USP12: variants seen among roughly 807,000 people sequenced by gnomAD.
USP12 encodes ubiquitin carboxyl-terminal hydrolase 12.
A neutral mutation model predicts 45.5 loss-of-function variants in USP12; 19 were observed. The ratio of observed to expected loss-of-function variants is 0.42; its 90% CI spans 0.29 to 0.61. The LOEUF is 0.61. Ranked by LOEUF, USP12 falls within the 20% of genes least tolerant of loss-of-function variation. USP12 has a pLI of 0.22. For missense variants in USP12, 242 were observed against 447.7 expected (o/e 0.54, Z 4.15); for synonymous variants, 149 against 148.8 (o/e 1.00, Z -0.01).
intron 4 of USP12, among the ~76,000 whole-genome samples, chr13:27,094,748 A>C (rs1158548590): frequency 2.0e-5 from 3 of 152,176 alleles, no homozygotes; most frequent in African/African-American, 7.2e-5. Context: ...ATTCTCAAAA[A>C]AAAAAAGACC....
At chr13:27,161,481 A>C (rs542681907) in intron 1 of USP12, among the ~76,000 whole-genome samples, 6 of 152,282 alleles carry the variant, frequency 3.9e-5, no homozygotes, top group African/African-American at 1.4e-4. Flanking sequence ...ATCCCTGAAA[A>C]ACCCAGGTAG....
intron 3 of USP12, among the ~76,000 whole-genome samples, chr13:27,096,714 C>T (rs1435740262): frequency 6.6e-6 from 1 of 152,158 alleles, no homozygotes; most frequent in East Asian, 1.9e-4. Flanking sequence ...CCATGCCACA[C>T]ACAAAGTAAT....
At chr13:27,075,051 C>A in intron 7 of USP12, 140 bp downstream of exon 7, 1 of 694,190 alleles carries the variant, frequency 1.4e-6, no homozygotes, top group Non-Finnish European at 2.1e-6. Context: ...AAAGCTAAAA[C>A]TCCATTTTGA....
chr13:27,110,861 T>C (rs1875406290), intron 2 of USP12, among the ~76,000 whole-genome samples: 2 of 152,294 alleles, frequency 1.3e-5, no homozygotes, highest in South Asian at 2.1e-4. Context: ...TATTTTGGAA[T>C]AGGCAACAGG....
intron 1 of USP12, among the ~76,000 whole-genome samples, chr13:27,156,383 T>C (rs1566006618): frequency 6.6e-6 from 1 of 152,130 alleles, no homozygotes; most frequent in Admixed American, 6.5e-5. Context: ...CCTCAAAAGA[T>C]AAACTATAAT....
chr13:27,123,040 C>T (rs1593195833), intron 1 of USP12, among the ~76,000 whole-genome samples: 2 of 151,168 alleles, frequency 1.3e-5, no homozygotes, highest in Non-Finnish European at 2.9e-5. Context: ...TGCAGTGAGC[C>T]GAGATCGCAC....
intron 1 of USP12, among the ~76,000 whole-genome samples, chr13:27,122,207 T>C (rs939437934): frequency 1.6e-4 from 24 of 151,826 alleles, no homozygotes; most frequent in African/African-American, 5.1e-4. Context: ...TGTACTTCCA[T>C]AGGAACCTGG....
chr13:27,075,108 A>G (rs1473369337), intron 7 of USP12, 83 bp downstream of exon 7: 1 of 1,345,220 alleles, frequency 7.4e-7, no homozygotes, highest in East Asian at 2.3e-5. Context: ...AGTTCTATAT[A>G]TGAATAATTC....
At chr13:27,086,187 A>AT (rs1289444305) in intron 6 of USP12, among the ~76,000 whole-genome samples, 1,066 of 72,678 alleles carry the variant, frequency 0.015, 17 homozygotes, top group East Asian at 0.025. Context: ...AAAAAAAAAA[A>AT]AAAAAAAAAA....
At chr13:27,164,984 G>A (rs1021277505) in intron 1 of USP12, among the ~76,000 whole-genome samples, 1 of 150,112 alleles carries the variant, frequency 6.7e-6, no homozygotes, top group African/African-American at 2.4e-5. Flanking sequence ...AGAAAAATCT[G>A]AAAGAAAATA....
In USP12 at chr13:27,122,601, G is replaced by A. The variant is rs960869024; in HGVS notation, c.49-6005C>T. On this transcript the variant is annotated intron_variant, in intron 1 of 8. Transcript: ENST00000282344. ...TGGGAAGTGGAAGCTGCAGTGAGCCGGGAGTGTGCCACTACACCCCAGCCT... is the reference window on the plus strand; with the variant it reads ...TGGGAAGTGGAAGCTGCAGTGAGCCAGGAGTGTGCCACTACACCCCAGCCT... 5.9e-5 allele frequency among the ~76,000 whole-genome samples: 9 copies of A among 152,042 alleles called. No homozygotes were observed. The South Asian group carries it at 1.0e-3, about 18-fold the overall frequency.
Position 27,129,514 on chromosome 13 carries a change from C to T in USP12, c.49-12918G>A, listed in dbSNP as rs1023649817. Reference sequence around the variant, plus strand: ...CAGAGCAGGAGGACTGCTTAAGGCCCGGAGTTCTAGAGAAGGCTGGGCAAC... The same window carrying T: ...CAGAGCAGGAGGACTGCTTAAGGCCTGGAGTTCTAGAGAAGGCTGGGCAAC... On this transcript the variant is annotated intron_variant, in intron 1 of 8. Transcript: ENST00000282344. The surrounding 1 kb of genome is among the most constrained non-coding windows in gnomAD (Gnocchi z 4.0). Among the ~76,000 whole-genome samples, 2 of 152,036 alleles carry T rather than the reference C, an allele frequency of 1.3e-5. No homozygotes were observed. The highest frequency in any genetic ancestry group is 4.8e-5 in the African/African-American group (2 of 41,374).
chr13:27,069,085 G>A lies in USP12; in HGVS notation c.*198C>T. Reference sequence around the variant, plus strand: ...TTGTATGGAACTGTACAGACAGCATGATACCTGAGCAAATAAATCAACTAC... The same window carrying A: ...TTGTATGGAACTGTACAGACAGCATAATACCTGAGCAAATAAATCAACTAC... On this transcript the variant is annotated 3_prime_UTR_variant, in exon 9 of 9. Coordinates refer to ENST00000282344, the MANE Select transcript of USP12 (RefSeq NM_182488.4). The A allele has an allele frequency of 3.3e-6, 2 of 607,106 alleles. No individual in the cohort carries two copies. The highest frequency in any genetic ancestry group is 5.8e-6 in the Non-Finnish European group (2 of 343,058). 37.6% of individuals were successfully genotyped at this position (607,106 alleles called of 1,614,324 possible).
intron 4 of USP12, among the ~76,000 whole-genome samples, chr13:27,093,680 C>G (rs558208488): frequency 6.6e-6 from 1 of 152,260 alleles, no homozygotes; most frequent in East Asian, 1.9e-4. Context: ...GATATTTACA[C>G]AAAGGAAGTA....
In USP12 at chr13:27,069,358, T is replaced by G. The variant is rs1018821651; in HGVS notation, c.1038A>C (p.Glu346Asp). 6.2e-6 allele frequency: 10 copies of G among 1,613,290 alleles called. No homozygotes were observed. The African/African-American group carries it at 6.7e-5, about 11-fold the overall frequency. The change falls in exon 9 of 9, where the codon GAA (glutamate) becomes GAC (aspartate). Residue 346 changes from glutamate to aspartate, a missense_variant. Glu to Asp is a conservative substitution (Grantham distance 45). Around this residue, in one of 5 missense-constraint regions of USP12, gnomAD observed 94 missense variants for 168.3 expected, o/e 0.56. Transcript: ENST00000282344. ...VEKIDAQAIEEFYGLTSDISK... is the reference protein window; with the variant it reads ...VEKIDAQAIEDFYGLTSDISK... ...AGATATCTGATGTCAACCCGTAGAA[T>G]TCTTCAATAGCTTGTGCATCTATTT...
At position 27,120,292 on chromosome 13, in the gene USP12, C is replaced by T. The variant is rs116655506; in HGVS notation, c.49-3696G>A. 3.7e-3 allele frequency among the ~76,000 whole-genome samples: 557 copies of T among 152,234 alleles called. 3 individuals carry two copies. The highest frequency in any genetic ancestry group is 0.013 in the African/African-American group (528 of 41,508). On this transcript the variant is annotated intron_variant, in intron 1 of 8. Coordinates refer to ENST00000282344, the MANE Select transcript of USP12 (RefSeq NM_182488.4). ...TTTGAGAAGTACGACCCTATCAAAACTAACAATAGCTTTTATGAAATCAGT... is the reference window on the plus strand; with the variant it reads ...TTTGAGAAGTACGACCCTATCAAAATTAACAATAGCTTTTATGAAATCAGT...
intron 6 of USP12, among the ~76,000 whole-genome samples, chr13:27,085,707 T>G (rs1046902877): frequency 2.0e-5 from 3 of 151,646 alleles, no homozygotes; most frequent in Non-Finnish European, 4.4e-5. Flanking sequence ...TTCCAGAAAC[T>G]TATGCATAAT....
intron 4 of USP12, among the ~76,000 whole-genome samples, chr13:27,093,166 C>T (rs999928462): frequency 5.3e-5 from 8 of 151,028 alleles, no homozygotes; most frequent in African/African-American, 9.8e-5. Flanking sequence ...GCCTGGGCAA[C>T]GAGAGCGAAA....
At position 27,171,679 on chromosome 13, in the gene USP12, G is replaced by A. The variant is rs1223211411; in HGVS notation, c.-40C>T. The A allele has an allele frequency of 1.6e-6, 2 of 1,214,976 alleles. No homozygotes were observed. Among genetic ancestry groups the A allele is most frequent in the Non-Finnish European group, 2.1e-6 (2 of 944,554 alleles). 75.3% of individuals were successfully genotyped at this position (1,214,976 alleles called of 1,614,324 possible). On this transcript the variant is annotated 5_prime_UTR_variant, in exon 1 of 9. Transcript: ENST00000282344. ...CTTCCACCCAATCACAGCGGCGGCG[G>A]CGGGCGGGGGAGGAGGGGAGCCGGG...
Sources: gnomAD v4.1 joint callset for allele counts (sites outside exome capture counted in the v4.1 genomes callset) on GRCh38, gnomAD v4.1.1 for gene constraint, gnomAD v4.1.1 regional missense constraint, Gnocchi (gnomAD v3.1) non-coding constraint, MANE v1.5 for transcripts, NCBI Gene and HGNC (gene_info 2026-07-23, HGNC 2026-07-21) for gene names.